The following JARID2 variants were observed in gnomAD, a reference collection of about 807,000 sequenced individuals.
The protein encoded by JARID2 is jumonji and AT-rich interaction domain containing 2.
A neutral mutation model predicts 125.6 loss-of-function variants in JARID2; 21 were observed. That is an observed-to-expected ratio of 0.17 (90% CI 0.12 to 0.24). The LOEUF is 0.24. Ranked by LOEUF, JARID2 falls within the 10% of genes least tolerant of loss-of-function variation. JARID2 has a pLI of 1.00. For missense variants in JARID2, 1,303 were observed against 1,639.6 expected, an observed-to-expected ratio of 0.79 and a Z score of 3.55; for synonymous variants, 736 against 661.6, an observed-to-expected ratio of 1.11 and a Z score of -1.73.
At chr6:15,425,470 A>C (rs1561854813) in intron 3 of JARID2, among the ~76,000 whole-genome samples, 2 of 152,132 alleles carry the variant, frequency 1.3e-5, no homozygotes, top group Admixed American at 6.5e-5. Context: ...ATGTGTTAGA[A>C]ACTTGTTCCC....
chr6:15,492,675 G>A (rs972625615), intron 6 of JARID2, among the ~76,000 whole-genome samples: 1 of 152,148 alleles, frequency 6.6e-6, no homozygotes, highest in African/African-American at 2.4e-5. Flanking sequence ...GCAGCTTAAG[G>A]GGCTTCCTAT....
intron 2 of JARID2, among the ~76,000 whole-genome samples, chr6:15,406,173 C>T (rs568324124): frequency 2.0e-5 from 3 of 152,294 alleles, no homozygotes; most frequent in East Asian, 1.9e-4. Context: ...CGGTGGCTCA[C>T]GTCTGTAATC....
Position 15,517,287 on chromosome 6 carries a change from G to T in JARID2, c.3558+19G>T. Reference sequence around the variant, plus strand: ...CGATGAGGTCAGTCCCTGCCCGCGGGGTAGGGCAGGGCGGCAGCGTGGCGC... The same window carrying T: ...CGATGAGGTCAGTCCCTGCCCGCGGTGTAGGGCAGGGCGGCAGCGTGGCGC... On this transcript the variant is annotated intron_variant, in intron 17 of 17. Coordinates refer to ENST00000341776, the MANE Select transcript of JARID2 (RefSeq NM_004973.4). The T allele has an allele frequency of 6.4e-7, 1 of 1,555,988 alleles. No homozygotes were observed. Among genetic ancestry groups the T allele is most frequent in the Non-Finnish European group, 8.9e-7 (1 of 1,127,164 alleles).
chr6:15,493,164 AAT>A (rs1770240189), intron 6 of JARID2, among the ~76,000 whole-genome samples: 1 of 151,912 alleles, frequency 6.6e-6, no homozygotes, highest in Non-Finnish European at 1.5e-5. Context: ...TTTGAGATAG[AAT>A]ATGAGAGACA....
At chr6:15,272,940 A>G (rs1760352781) in intron 1 of JARID2, among the ~76,000 whole-genome samples, 1 of 152,198 alleles carries the variant, frequency 6.6e-6, no homozygotes. Flanking sequence ...ATCATTCTCT[A>G]AAATGTTAAA....
chr6:15,248,889 C>T (rs1317039710), intron 1 of JARID2: 2 of 984,628 alleles, frequency 2.0e-6, no homozygotes, highest in African/African-American at 1.7e-5. Flanking sequence ...AGCCGGGCTG[C>T]GGCGTGGGAG....
chr6:15,298,549 G>A (rs1280951121), intron 1 of JARID2, among the ~76,000 whole-genome samples: 1 of 151,912 alleles, frequency 6.6e-6, no homozygotes, highest in Non-Finnish European at 1.5e-5. Flanking sequence ...GTGTGGTGGT[G>A]CATGCCTCTA....
At chr6:15,346,700 G>A (rs530733724) in intron 1 of JARID2, among the ~76,000 whole-genome samples, 173 of 151,774 alleles carry the variant, frequency 1.1e-3, no homozygotes, top group Non-Finnish European at 1.9e-3. Context: ...GTAGTGACCA[G>A]CTTGTAGTGG....
Position 15,473,514 on chromosome 6 carries a change from GCCCCCCCCC to G in JARID2, c.670+4804_670+4812del, listed in dbSNP as rs3841758. Among the ~76,000 whole-genome samples the G allele has an allele frequency of 7.1e-4, 25 of 35,068 alleles. 5 individuals carry two copies. The East Asian group carries it at 0.01, about 14-fold the overall frequency. The allele number at this position is 35,068 out of a possible 152,430, so 23.0% of individuals were successfully genotyped here. ...GTCTCCCTTGTCTTCTGATGTGCGT[GCCCCCCCCC>G]CCCCCCCGCTTTGTGTCCTGCCACC... On this transcript the variant is annotated intron_variant, in intron 5 of 17. Transcript: ENST00000341776.
intron 1 of JARID2, among the ~76,000 whole-genome samples, chr6:15,262,791 G>T (rs910871636): frequency 6.6e-6 from 1 of 152,146 alleles, no homozygotes; most frequent in African/African-American, 2.4e-5. Context: ...GCCACCCAAA[G>T]TGCTGGGATT....
intron 2 of JARID2, among the ~76,000 whole-genome samples, chr6:15,381,219 C>T (rs374824925): frequency 6.7e-6 from 1 of 150,014 alleles, no homozygotes; most frequent in African/African-American, 2.5e-5. Context: ...ATTAGCCGGG[C>T]GTGGTGGCGG....
chr6:15,504,139 C>G (rs1436783077), intron 8 of JARID2, among the ~76,000 whole-genome samples: 1 of 151,118 alleles, frequency 6.6e-6, no homozygotes, highest in South Asian at 2.1e-4. Flanking sequence ...CCCGCAGCAG[C>G]CTTTGTCAGC....
intron 5 of JARID2, among the ~76,000 whole-genome samples, chr6:15,474,727 C>T (rs1769257178): frequency 6.6e-6 from 1 of 151,886 alleles, no homozygotes. Flanking sequence ...TCCAAGATCA[C>T]TATTCAGCTG....
chr6:15,331,233 C>T (rs985075875), intron 1 of JARID2, among the ~76,000 whole-genome samples: 1 of 151,868 alleles, frequency 6.6e-6, no homozygotes, highest in Non-Finnish European at 1.5e-5. Context: ...AGTTGGGTGT[C>T]TGAGGTAGGT....
At chr6:15,330,429 C>T (rs1376071258) in intron 1 of JARID2, among the ~76,000 whole-genome samples, 2 of 152,212 alleles carry the variant, frequency 1.3e-5, no homozygotes, top group East Asian at 1.9e-4. Flanking sequence ...GTGGTCACGA[C>T]CACATTACCG....
At chr6:15,356,705 G>C (rs1763611783) in intron 1 of JARID2, among the ~76,000 whole-genome samples, 1 of 152,118 alleles carries the variant, frequency 6.6e-6, no homozygotes, top group African/African-American at 2.4e-5. Flanking sequence ...TTGGATTCTT[G>C]TTATTTATGT....
At chr6:15,498,811 G>A (rs548389770) in intron 7 of JARID2, among the ~76,000 whole-genome samples, 1 of 152,238 alleles carries the variant, frequency 6.6e-6, no homozygotes, top group Non-Finnish European at 1.5e-5. Context: ...CTCTGCACAC[G>A]CGTGCACCCA....
intron 9 of JARID2, chr6:15,505,254 CGGACTGCTGGTTCAG>C (rs1561912314): frequency 6.6e-6 from 1 of 152,030 alleles, no homozygotes; most frequent in Non-Finnish European, 1.5e-5. Context: ...AAACCAAACC[CGGACTGCTGGTTCAG>C]GGCAGCTGCC....
intron 16 of JARID2, among the ~76,000 whole-genome samples, chr6:15,515,569 C>T (rs1404722505): frequency 3.3e-5 from 5 of 152,036 alleles, no homozygotes; most frequent in African/African-American, 1.2e-4. Context: ...GCAGATCACT[C>T]GAGGCCAGGA....
Sources: allele counts gnomAD v4.1 joint callset (sites outside exome capture counted in the v4.1 genomes callset), GRCh38; gene constraint gnomAD v4.1.1; transcripts MANE v1.5; gene names NCBI Gene and HGNC (gene_info 2026-07-23, HGNC 2026-07-21).